Variants in ERICH6B observed in about 807,000 individuals in gnomAD.
ERICH6B encodes the protein glutamate-rich protein 6B.
In ERICH6B, 69 loss-of-function variants were observed where a neutral mutation model predicts 80.0. The observed-to-expected ratio is 0.86, with a 90% CI of 0.71 to 1.05. ERICH6B has a LOEUF of 1.05. Ranked by LOEUF, ERICH6B falls within the 50% of genes least tolerant of loss-of-function variation. The pLI is 0.00. For synonymous variants in ERICH6B, 283 were observed against 291.9 expected (o/e 0.97, Z 0.31); for missense variants, 754 against 796.1 (o/e 0.95, Z 0.64).
At chr13:45,564,537 T>C (rs1874833315) in intron 9 of ERICH6B, among the ~76,000 whole-genome samples, 1 of 152,248 alleles carries the variant, frequency 6.6e-6, no homozygotes, top group African/African-American at 2.4e-5. Flanking sequence ...CATATTAATT[T>C]AGCCCAGAGT....
chr13:45,606,785 C>A (rs1481355135), intron 2 of ERICH6B, among the ~76,000 whole-genome samples: 1 of 151,522 alleles, frequency 6.6e-6, no homozygotes, highest in East Asian at 1.9e-4. Flanking sequence ...AGCTCCTGAC[C>A]TCAGGTGATC....
intron 11 of ERICH6B, among the ~76,000 whole-genome samples, chr13:45,555,662 G>A (rs755858902): frequency 6.6e-6 from 1 of 152,086 alleles, no homozygotes; most frequent in Non-Finnish European, 1.5e-5. Context: ...CAAGATGGTA[G>A]AGACCTATGA....
In ERICH6B at chr13:45,577,276, C is replaced by CTTTTTTTTTTTTTTTTTTTTTTTTT. The variant is rs34244794; in HGVS notation, c.962-2371_962-2347dup. ...TCTCCTGGACTGATTAAAAACAAAT[C>CTTTTTTTTTTTTTTTTTTTTTTTTT]TTTTTTTTTTTTTTTTTTTTTTTTT... On this transcript the variant is annotated intron_variant, in intron 7 of 14. Transcript: ENST00000298738. Among the ~76,000 whole-genome samples the CTTTTTTTTTTTTTTTTTTTTTTTTT allele has an allele frequency of 2.4e-4, 21 of 86,092 alleles. 1 individual carries two copies. The highest frequency in any genetic ancestry group is 4.8e-4 in the East Asian group (1 of 2,078). 56.5% of individuals were successfully genotyped at this position (86,092 alleles called of 152,430 possible).
At position 45,541,657 on chromosome 13, in the gene ERICH6B, G is replaced by T. The variant is rs373929461; in HGVS notation, c.1896C>A (p.Ser632Arg). 6.4e-7 allele frequency: 1 copy of T among 1,550,596 alleles called. No individual in the cohort carries two copies. The highest frequency in any genetic ancestry group is 1.2e-5 in the South Asian group (1 of 83,998). Residue 632 changes from serine to arginine, a missense_variant, in exon 15 of 15, where the codon AGC (serine) becomes AGA (arginine). Transcript: ENST00000298738. ...RYKFVIPEVL[S>R]EMKKKTILEA... ...CCAGGATGGTTTTCTTCTTCATTTC[G>T]CTCAGCACCTCTGGGATCACAAACT...
At chr13:45,587,270 A>T (rs1029633523) in intron 4 of ERICH6B, 38 bp from the exon 5 acceptor site, 2 of 1,545,158 alleles carry the variant, frequency 1.3e-6, no homozygotes, top group African/African-American at 2.7e-5. Flanking sequence ...ACTTCCAGAC[A>T]GGGGCCAGGT....
intron 2 of ERICH6B, among the ~76,000 whole-genome samples, chr13:45,599,627 G>A (rs1020439029): frequency 2.4e-4 from 36 of 152,162 alleles, no homozygotes; most frequent in Non-Finnish European, 5.3e-4. Flanking sequence ...TTCTCACTCA[G>A]GTAGACTGGA....
At chr13:45,592,097 C>A (rs767564765) in intron 3 of ERICH6B, among the ~76,000 whole-genome samples, 4 of 152,188 alleles carry the variant, frequency 2.6e-5, no homozygotes, top group Non-Finnish European at 5.9e-5. Flanking sequence ...TAGTCACATG[C>A]CCTCTTTCTA....
intron 5 of ERICH6B, among the ~76,000 whole-genome samples, chr13:45,585,415 G>T (rs1401088209): frequency 6.6e-6 from 1 of 152,068 alleles, no homozygotes; most frequent in Non-Finnish European, 1.5e-5. Context: ...CCGTTCTGTT[G>T]GCCAGACACA....
At chr13:45,580,335 C>T (rs1280239886) in intron 6 of ERICH6B, among the ~76,000 whole-genome samples, 1 of 152,194 alleles carries the variant, frequency 6.6e-6, no homozygotes, top group Non-Finnish European at 1.5e-5. Context: ...ATCTACCCTC[C>T]TAATTGCAGT....
chr13:45,568,257 G>T, intron 9 of ERICH6B, 58 bp downstream of exon 9: 1 of 1,458,184 alleles, frequency 6.9e-7, no homozygotes, highest in South Asian at 1.5e-5. Context: ...TTTCCCTGCT[G>T]CCACCTCTGG....
intron 14 of ERICH6B, among the ~76,000 whole-genome samples, chr13:45,544,176 A>C (rs754371658): frequency 3.2e-4 from 49 of 152,286 alleles, no homozygotes; most frequent in Non-Finnish European, 6.2e-4. Context: ...TGGTTCAAAC[A>C]ATTCTCCTAC....
intron 11 of ERICH6B, among the ~76,000 whole-genome samples, chr13:45,556,404 A>G (rs1466825308): frequency 6.6e-6 from 1 of 151,554 alleles, no homozygotes; most frequent in Non-Finnish European, 1.5e-5. Flanking sequence ...AATTACTCTA[A>G]TTTTTTTTCC....
intron 3 of ERICH6B, among the ~76,000 whole-genome samples, chr13:45,591,964 A>G (rs1312478953): frequency 6.6e-6 from 1 of 152,202 alleles, no homozygotes; most frequent in Non-Finnish European, 1.5e-5. Flanking sequence ...ACAACTTATT[A>G]AAAAGCAGAA....
chr13:45,601,611 T>C (rs1433407110), intron 2 of ERICH6B, among the ~76,000 whole-genome samples: 1 of 152,116 alleles, frequency 6.6e-6, no homozygotes. Flanking sequence ...AGAGGAGCAT[T>C]TGTCAATGGC....
intron 6 of ERICH6B, among the ~76,000 whole-genome samples, 180 bp downstream of exon 6, chr13:45,580,423 C>T (rs11616281): frequency 0.12 from 18,191 of 152,120 alleles, 1,778 homozygotes; most frequent in African/African-American, 0.27. Context: ...GAGCCTGGAG[C>T]CTCAACATTA....
Position 45,550,031 on chromosome 13 carries a change from T to C in ERICH6B, c.1508A>G (p.Asn503Ser), listed in dbSNP as rs1254847470. 1.9e-6 allele frequency: 3 copies of C among 1,551,670 alleles called. No individual in the cohort carries two copies. The African/African-American group carries it at 4.1e-5, about 21-fold the overall frequency. The part of the protein sequence containing the change: ...GTGQIHYPSG[N>S]LAMLILYAKM... ...CGCATATAAGATGAGCATAGCCAGG[T>C]TTCCTGATGGATAACTGGGAGAAGG... is the stretch of plus-strand genomic sequence containing the variant. Residue 503 changes from asparagine to serine, a missense_variant, in exon 13 of 15, where the codon AAC (asparagine) becomes AGC (serine). Physicochemically the swap from Asn to Ser is conservative, Grantham distance 46 (BLOSUM62 1). Coordinates refer to ENST00000298738, the MANE Select transcript of ERICH6B (RefSeq NM_182542.3).
At chr13:45,560,464 C>T (rs1221526406) in intron 11 of ERICH6B, among the ~76,000 whole-genome samples, 1 of 152,164 alleles carries the variant, frequency 6.6e-6, no homozygotes, top group Non-Finnish European at 1.5e-5. Flanking sequence ...ACTGACAAAC[C>T]ATTATCACCC....
chr13:45,586,855 G>T (rs1005178834), intron 5 of ERICH6B, among the ~76,000 whole-genome samples: 5 of 152,158 alleles, frequency 3.3e-5, no homozygotes, highest in African/African-American at 9.7e-5. Context: ...TCTGAGGGGG[G>T]TCTGGGATGG....
At chr13:45,586,861 G>C (rs1941314346) in intron 5 of ERICH6B, among the ~76,000 whole-genome samples, 1 of 152,156 alleles carries the variant, frequency 6.6e-6, no homozygotes, top group African/African-American at 2.4e-5. Context: ...GGGGGTCTGG[G>C]ATGGGATGAA....
Sources: allele counts gnomAD v4.1 joint callset (sites outside exome capture counted in the v4.1 genomes callset), GRCh38; gene constraint gnomAD v4.1.1; transcripts MANE v1.5; gene names NCBI Gene and HGNC (gene_info 2026-07-23, HGNC 2026-07-21).